NOL7: variants seen among roughly 807,000 people sequenced by gnomAD.
NOL7 encodes nucleolar protein 7.
A neutral mutation model predicts 38.4 loss-of-function variants in NOL7; 36 were observed. The ratio of observed to expected loss-of-function variants is 0.94; its 90% confidence interval spans 0.72 to 1.24. The LOEUF (loss-of-function observed/expected upper bound fraction) is 1.24. Among genes scored for constraint, NOL7 ranks in the 50% most tolerant of loss-of-function variants. NOL7 has a pLI of 0.00. For missense variants in NOL7, 350 were observed against 315.1 expected (o/e 1.11, Z -0.84); for synonymous variants, 142 against 126.5 (o/e 1.12, Z -0.82).
chr6:13,624,236 G>A (rs115615675), downstream of NOL7, among the ~76,000 whole-genome samples: 929 of 152,130 alleles, frequency 6.1e-3, 4 homozygotes, highest in African/African-American at 0.021. Flanking sequence ...ATTTTCTAAG[G>A]GCAAAGAAAC....
At chr6:13,624,556 CTTG>C (rs988015868), downstream of NOL7, among the ~76,000 whole-genome samples, 13 of 152,176 alleles carry the variant, frequency 8.5e-5, no homozygotes, top group African/African-American at 3.1e-4. Flanking sequence ...AAAACTCAAA[CTTG>C]TTTTATGTAA....
At chr6:13,624,635 A>C (rs1764549046), downstream of NOL7, among the ~76,000 whole-genome samples, 2 of 152,270 alleles carry the variant, frequency 1.3e-5, no homozygotes, top group South Asian at 4.1e-4. Context: ...TCATATAAAA[A>C]GTACTTGTTC....
chr6:13,624,431 A>AACAGC (rs1271750335), downstream of NOL7, among the ~76,000 whole-genome samples: 3 of 152,182 alleles, frequency 2.0e-5, no homozygotes, highest in Non-Finnish European at 2.9e-5. Context: ...TGCAGGGCCA[A>AACAGC]ACAGCACAGC....
rs115874583 is a variant in NOL7 at position 13,617,110 on chromosome 6, G to A, written c.386+589G>A. Among the ~76,000 whole-genome samples the A allele has an allele frequency of 7.2e-3, 1,088 of 151,770 alleles. 10 individuals are homozygous for A. Among genetic ancestry groups the A allele is most frequent in the African/African-American group, 0.025 (1,013 of 41,326 alleles). On this transcript the variant is annotated intron_variant, in intron 3 of 7. Transcript: ENST00000451315. ...TTTTGCTTAGGCCAGTGACTCTCAA[G>A]TTTTCAGTAAAAAAACTTTACCAAA...
rs982981511 is a variant in NOL7, at chr6:13,632,432, C to T, written n.613C>T. On this transcript the variant is annotated non_coding_transcript_exon_variant, in exon 9 of 9. Coordinates refer to the NOL7 transcript ENST00000474485. ...TCTCTCCTTAGCTGTTCACTCATTG[C>T]TTGCAGCTCTCGTCCAAAGTGGATC... 5 of 1,614,004 alleles carry T rather than the reference C, an allele frequency of 3.1e-6. No homozygotes were observed. The highest frequency in any genetic ancestry group is 3.4e-6 in the Non-Finnish European group (4 of 1,179,928).
chr6:13,616,546 A>C, intron 3 of NOL7, 25 bp downstream of exon 3: 1 of 1,507,492 alleles, frequency 6.6e-7, no homozygotes. Flanking sequence ...TTTTTATATT[A>C]CTTGCTTATA....
chr6:13,625,871 A>G, downstream of NOL7: 2 of 753,728 alleles, frequency 2.7e-6, no homozygotes, highest in Non-Finnish European at 4.6e-6. Flanking sequence ...ACAGACTAAT[A>G]ATGTAAACTT....
At chr6:13,625,722 G>A, downstream of NOL7, 1 of 1,612,906 alleles carries the variant, frequency 6.2e-7, no homozygotes, top group Non-Finnish European at 8.5e-7. Context: ...TTTCCAACTG[G>A]GCTGTTCCAG....
At position 13,620,258 on chromosome 6, in the gene NOL7, A is replaced by C; in HGVS notation, c.551A>C (p.Asp184Ala). The change falls in exon 6 of 8, where the codon GAT (aspartate) becomes GCT (alanine). Residue 184 changes from aspartate (D) to alanine (A), a missense_variant. Coordinates refer to ENST00000451315, the MANE Select transcript of NOL7 (RefSeq NM_016167.5). Reference protein sequence around the residue: ...AVRLKDQDLRDSRQQAAQAFI... With the variant: ...AVRLKDQDLRASRQQAAQAFI... ...AGGCTAAAAGACCAAGATCTGAGAG[A>C]TTCAAGGCAACAAGCAGCACAAGCC... The C allele has an allele frequency of 1.2e-6, 2 of 1,614,182 alleles. No individual in the cohort carries two copies. Among genetic ancestry groups the C allele is most frequent in the Non-Finnish European group, 1.7e-6 (2 of 1,180,004 alleles).
downstream of NOL7, chr6:13,625,593 A>G: frequency 1.6e-6 from 2 of 1,218,710 alleles, no homozygotes; most frequent in Non-Finnish European, 2.4e-6. Flanking sequence ...CAGTACAAAC[A>G]CCCTCTCTTA....
intron 2 of NOL7, among the ~76,000 whole-genome samples, 197 bp downstream of exon 2, chr6:13,615,969 G>GA (rs903079915): frequency 1.3e-5 from 2 of 152,128 alleles, no homozygotes; most frequent in African/African-American, 4.8e-5. Context: ...CCGGGATGTC[G>GA]AGGCTGCCTG....
chr6:13,626,041 G>A (rs1403205947), downstream of NOL7, among the ~76,000 whole-genome samples: 1 of 152,180 alleles, frequency 6.6e-6, no homozygotes, highest in Non-Finnish European at 1.5e-5. Context: ...TCAAAGGAAT[G>A]AACTAGTACT....
downstream of NOL7, among the ~76,000 whole-genome samples, chr6:13,623,605 A>ATTTT (rs1436934808): frequency 6.6e-6 from 1 of 151,456 alleles, no homozygotes; most frequent in Non-Finnish European, 1.5e-5. Context: ...TACAGGGAAT[A>ATTTT]TTTTTTTAAT....
At chr6:13,628,120 T>C (rs1198117233) in intron 8 of NOL7, among the ~76,000 whole-genome samples, 1 of 152,184 alleles carries the variant, frequency 6.6e-6, no homozygotes, top group South Asian at 2.1e-4. Flanking sequence ...ACAATAATCA[T>C]CTAAAGTTGT....
chr6:13,624,373 C>G (rs1347876383), downstream of NOL7, among the ~76,000 whole-genome samples: 1 of 152,162 alleles, frequency 6.6e-6, no homozygotes, highest in African/African-American at 2.4e-5. Context: ...GCACTGCCCT[C>G]ATCTTCCTAA....
intron 8 of NOL7, among the ~76,000 whole-genome samples, chr6:13,626,985 T>C (rs1584907135): frequency 6.6e-6 from 1 of 152,226 alleles, no homozygotes. Flanking sequence ...CCACAAGGCA[T>C]GGAATACACG....
downstream of NOL7, chr6:13,621,902 G>A (rs959978521): frequency 9.9e-5 from 15 of 150,930 alleles, no homozygotes; most frequent in East Asian, 3.9e-4. Flanking sequence ...TCAAACTGTC[G>A]GATGTTTATG....
intron 5 of NOL7, 107 bp from the exon 6 acceptor site, chr6:13,620,101 C>G (rs1341390688): frequency 7.9e-7 from 1 of 1,266,556 alleles, no homozygotes; most frequent in Non-Finnish European, 1.1e-6. Flanking sequence ...TTGCAGTGAG[C>G]TGAGATCGCG....
intron 5 of NOL7, 52 bp downstream of exon 5, chr6:13,618,191 T>TA (rs778509869): frequency 1.8e-4 from 121 of 682,042 alleles, no homozygotes; most frequent in Non-Finnish European, 2.6e-4. Flanking sequence ...TTAAGAGAGT[T>TA]AAAGTATTGG....
Sources: gnomAD v4.1 joint callset for allele counts (sites outside exome capture counted in the v4.1 genomes callset) on GRCh38, gnomAD v4.1.1 for gene constraint, MANE v1.5 for transcripts, NCBI Gene and HGNC (gene_info 2026-07-23, HGNC 2026-07-21) for gene names.